JAKMIP1: variants seen among roughly 807,000 people sequenced by gnomAD.
JAKMIP1 encodes the protein janus kinase and microtubule interacting protein 1, also known as janus kinase and microtubule-interacting protein 1.
JAKMIP1 carries 33 observed loss-of-function variants against 113.0 expected under a neutral mutation model. That is an observed-to-expected ratio of 0.29 (90% CI 0.22 to 0.39). The LOEUF (loss-of-function observed/expected upper bound fraction) is 0.39, where lower values mean the gene tolerates loss of function less well. Among genes scored for constraint, JAKMIP1 ranks in the 10% least tolerant of loss-of-function variants. JAKMIP1 has a pLI of 1.00. For missense variants in JAKMIP1, 813 were observed against 1,080.5 expected (o/e 0.75, Z 3.47); for synonymous variants, 480 against 459.9 (o/e 1.04, Z -0.56).
chr4:6,043,345 C>T (rs1320719916), intron 16 of JAKMIP1, among the ~76,000 whole-genome samples: 2 of 152,002 alleles, frequency 1.3e-5, no homozygotes, highest in Non-Finnish European at 2.9e-5. Flanking sequence ...TCCTTGCTTT[C>T]CCTCTCCTCT....
At chr4:6,048,491 G>A (rs548583384) in intron 16 of JAKMIP1, among the ~76,000 whole-genome samples, 42 of 152,330 alleles carry the variant, frequency 2.8e-4, no homozygotes, top group African/African-American at 9.1e-4. Flanking sequence ...ATTTAAACAC[G>A]TTTATGAACC....
chr4:6,146,495 T>G (rs1462566622), intron 1 of JAKMIP1, among the ~76,000 whole-genome samples: 3 of 152,194 alleles, frequency 2.0e-5, no homozygotes, highest in African/African-American at 7.2e-5. Flanking sequence ...GTTTTCACCC[T>G]GTTGCCCAGG....
intron 8 of JAKMIP1, among the ~76,000 whole-genome samples, chr4:6,074,232 C>A (rs1371857337): frequency 2.6e-5 from 4 of 152,202 alleles, no homozygotes; most frequent in Admixed American, 1.3e-4. Flanking sequence ...TCTGCTTTGC[C>A]CTGACTGCAT....
In JAKMIP1 at chr4:6,140,531, C is replaced by A. The variant is rs1370744897; in HGVS notation, c.-147-27534G>T. Among the ~76,000 whole-genome samples, 1 of 152,084 alleles carries A rather than the reference C, an allele frequency of 6.6e-6. No individual in the cohort carries two copies. The highest frequency in any genetic ancestry group is 2.4e-5 in the African/African-American group (1 of 41,356). ...CCCCTTCCAATAATGTGGCTCGGGTCTTTCTGCAGGGTCAGAGGGAAGTCG... is the reference window on the plus strand; with the variant it reads ...CCCCTTCCAATAATGTGGCTCGGGTATTTCTGCAGGGTCAGAGGGAAGTCG... On this transcript the variant is annotated intron_variant, in intron 1 of 20. Transcript: ENST00000409021. This position sits in a 1 kb window ranked among gnomAD's most constrained non-coding sequence, Gnocchi z 9.4.
chr4:6,073,857 T>C (rs1402522752), intron 8 of JAKMIP1, among the ~76,000 whole-genome samples: 3 of 152,236 alleles, frequency 2.0e-5, no homozygotes, highest in East Asian at 1.9e-4. Flanking sequence ...GTGCGTAAAC[T>C]GTACTGATTT....
Position 6,176,585 on chromosome 4 carries a change from G to A in JAKMIP1, c.-148+23668C>T. ...ACTCAGAATGGGGCAATGGGGTCAG[G>A]GAATTAAGGGCTGGGAGATAACTCC... is the stretch of plus-strand genomic sequence containing the variant. On this transcript the variant is annotated intron_variant, in intron 1 of 20. Transcript: ENST00000409021. The surrounding 1 kb of genome is among the most constrained non-coding windows in gnomAD (Gnocchi z 5.5). Among the ~76,000 whole-genome samples the A allele has an allele frequency of 6.6e-6, 1 of 152,176 alleles. No individual in the cohort carries two copies. The highest frequency in any genetic ancestry group is 1.5e-5 in the Non-Finnish European group (1 of 68,034).
chr4:6,132,434 G>C (rs184396879), intron 1 of JAKMIP1, among the ~76,000 whole-genome samples: 731 of 152,238 alleles, frequency 4.8e-3, no homozygotes, highest in Middle Eastern at 6.8e-3. Context: ...TTGAGGTCAG[G>C]AGTTCAAGAC....
In JAKMIP1 at chr4:6,178,327, T is replaced by TCCCATAATC. The variant is rs1196246319; in HGVS notation, c.-148+21917_-148+21925dup. 1.3e-5 allele frequency among the ~76,000 whole-genome samples: 2 copies of TCCCATAATC among 152,216 alleles called. No individual in the cohort carries two copies. Among genetic ancestry groups the TCCCATAATC allele is most frequent in the Admixed American group, 1.3e-4 (2 of 15,286 alleles). ...CCCAAATCTCCTCTTGAATTGTAGT[T>TCCCATAATC]CCCATAATCCCCATGTGTGGTGGGA... On this transcript the variant is annotated intron_variant, in intron 1 of 20. Coordinates refer to ENST00000409021, the MANE Select transcript of JAKMIP1 (RefSeq NM_001099433.2). This position sits in a 1 kb window ranked among gnomAD's most constrained non-coding sequence, Gnocchi z 5.5.
chr4:6,086,235 C>T lies in JAKMIP1; in HGVS notation c.625-606G>A, dbSNP rs141850971. Among the ~76,000 whole-genome samples the T allele has an allele frequency of 4.5e-3, 679 of 152,318 alleles. 4 individuals are homozygous for T. Among genetic ancestry groups the T allele is most frequent in the African/African-American group, 0.012 (496 of 41,582 alleles). On this transcript the variant is annotated intron_variant, in intron 3 of 20. Transcript: ENST00000409021. This position sits in a 1 kb window ranked among gnomAD's most constrained non-coding sequence, Gnocchi z 4.1. ...TATCTTCTTTATAGACTGTCTTGCT[C>T]TGGCTCTCATTGAAGCCTGGAGTTT... is the stretch of plus-strand genomic sequence containing the variant.
chr4:6,113,480 G>C (rs904446140), intron 1 of JAKMIP1, among the ~76,000 whole-genome samples: 1 of 152,178 alleles, frequency 6.6e-6, no homozygotes, highest in East Asian at 1.9e-4. Context: ...CAGGGCGTGA[G>C]GACCACACTT....
rs1726839580 is a variant in JAKMIP1 at position 6,188,078 on chromosome 4, T to C, written c.-148+12175A>G. ...TTCTTAAATGGCTAATTTTCAAATCTGTCATTTTTTTTTCTTTTTGGTTCC... is the reference window on the plus strand; with the variant it reads ...TTCTTAAATGGCTAATTTTCAAATCCGTCATTTTTTTTTCTTTTTGGTTCC... On this transcript the variant is annotated intron_variant, in intron 1 of 20. Transcript: ENST00000409021. The surrounding 1 kb of genome is among the most constrained non-coding windows in gnomAD (Gnocchi z 5.8). Among the ~76,000 whole-genome samples the C allele has an allele frequency of 1.3e-5, 2 of 152,172 alleles. No homozygotes were observed. Among genetic ancestry groups the C allele is most frequent in the African/African-American group, 4.8e-5 (2 of 41,458 alleles).
intron 2 of JAKMIP1, 50 bp downstream of exon 2, chr4:6,112,672 C>T: frequency 6.3e-7 from 1 of 1,597,510 alleles, no homozygotes. Context: ...CAACACTGCC[C>T]AAAGGGACAT....
chr4:6,172,344 A>G (rs888168029), intron 1 of JAKMIP1, among the ~76,000 whole-genome samples: 84 of 152,132 alleles, frequency 5.5e-4, no homozygotes, highest in African/African-American at 2.0e-3. Flanking sequence ...TGCAGATAAC[A>G]TTAATAAATC....
rs1666842807 is a variant in JAKMIP1 at position 6,088,016 on chromosome 4, C to G, written c.625-2387G>C. Among the ~76,000 whole-genome samples the G allele has an allele frequency of 6.6e-6, 1 of 152,188 alleles. No individual in the cohort carries two copies. The highest frequency in any genetic ancestry group is 1.5e-5 in the Non-Finnish European group (1 of 68,034). On this transcript the variant is annotated intron_variant, in intron 3 of 20. Coordinates refer to ENST00000409021, the MANE Select transcript of JAKMIP1 (RefSeq NM_001099433.2). The surrounding 1 kb of genome is among the most constrained non-coding windows in gnomAD (Gnocchi z 5.5). ...TTTAAACATGCTGAAAACACCACTG[C>G]CAATGTAGATGCCAACCCCAAAGCA...
intron 1 of JAKMIP1, among the ~76,000 whole-genome samples, chr4:6,132,647 T>TAAAAAAA (rs71646639): frequency 1.0e-4 from 12 of 117,988 alleles, no homozygotes; most frequent in African/African-American, 2.2e-4. Context: ...GCCTCAAAAA[T>TAAAAAAA]AAAAAAAAAA....
rs770189133 is a variant in JAKMIP1 at position 6,059,233 on chromosome 4, C to A, written c.1644+1191G>T. On this transcript the variant is annotated intron_variant, in intron 11 of 20. Coordinates refer to ENST00000409021, the MANE Select transcript of JAKMIP1 (RefSeq NM_001099433.2). This position sits in a 1 kb window ranked among gnomAD's most constrained non-coding sequence, Gnocchi z 4.8. ...CCACGCAGTCCATTGGTAAAGTCTG[C>A]TGTGGTGACCTGCTCTGTGCCAGGC... Among the ~76,000 whole-genome samples the A allele has an allele frequency of 7.9e-5, 12 of 152,330 alleles. No individual in the cohort carries two copies. The South Asian group carries it at 8.3e-4, about 11-fold the overall frequency.
At position 6,156,962 on chromosome 4, in the gene JAKMIP1, T is replaced by C. The variant is rs1722309602; in HGVS notation, c.-148+43291A>G. Among the ~76,000 whole-genome samples, 2 of 152,226 alleles carry C rather than the reference T, an allele frequency of 1.3e-5. 1 individual carries two copies. The highest frequency in any genetic ancestry group is 4.1e-4 in the South Asian group (2 of 4,834). ...TGAATGCGTCCCTCAAAGTTCACTG[T>C]TAATCCCCAATGCACCAGTGTAAAG... On this transcript the variant is annotated intron_variant, in intron 1 of 20. Coordinates refer to ENST00000409021, the MANE Select transcript of JAKMIP1 (RefSeq NM_001099433.2). The surrounding 1 kb of genome is among the most constrained non-coding windows in gnomAD (Gnocchi z 5.0).
chr4:6,197,685 C>A lies in JAKMIP1; in HGVS notation c.-148+2568G>T, dbSNP rs141453035. On this transcript the variant is annotated intron_variant, in intron 1 of 20. Transcript: ENST00000409021. The surrounding 1 kb of genome is among the most constrained non-coding windows in gnomAD (Gnocchi z 6.5). ...TCATCCTCAGACTCCCCAAGGGAAG[C>A]CCCCATTTAGTTAGAAAGCCCAGCA... Among the ~76,000 whole-genome samples the A allele has an allele frequency of 6.6e-6, 1 of 152,202 alleles. No individual in the cohort carries two copies. Among genetic ancestry groups the A allele is most frequent in the Non-Finnish European group, 1.5e-5 (1 of 68,042 alleles).
At chr4:6,169,148 C>G (rs141252815) in intron 1 of JAKMIP1, among the ~76,000 whole-genome samples, 140 of 152,250 alleles carry the variant, frequency 9.2e-4, no homozygotes, top group African/African-American at 3.1e-3. Flanking sequence ...ATCTCAGTAA[C>G]GCTATTGTTT....
Sources: gnomAD v4.1 joint callset for allele counts (sites outside exome capture counted in the v4.1 genomes callset) on GRCh38, gnomAD v4.1.1 for gene constraint, Gnocchi (gnomAD v3.1) non-coding constraint, MANE v1.5 for transcripts, NCBI Gene and HGNC (gene_info 2026-07-23, HGNC 2026-07-21) for gene names.